Variants in SMKR1 observed in about 807,000 individuals in gnomAD.
SMKR1 encodes small lysine-rich protein 1.
A neutral mutation model predicts 4.0 loss-of-function variants in SMKR1; 4 were observed. That is an observed-to-expected ratio of 1.00 (90% CI 0.49 to 2.30). SMKR1 has a LOEUF of 2.30. Ranked by LOEUF, SMKR1 falls within the 30% of genes most tolerant of loss-of-function variation. The pLI is 0.02. For missense variants in SMKR1, 56 were observed against 81.8 expected, an observed-to-expected ratio of 0.68 and a Z score of 1.22; for synonymous variants, 38 against 32.5, an observed-to-expected ratio of 1.17 and a Z score of -0.58.
intron 1 of SMKR1, among the ~76,000 whole-genome samples, chr7:129,507,388 G>T (rs1326756948): frequency 6.6e-6 from 1 of 151,910 alleles, no homozygotes; most frequent in South Asian, 2.1e-4. Flanking sequence ...GGGCTCAAGC[G>T]ATCTTCCTAC....
Position 129,502,841 on chromosome 7 carries a change from C to T in SMKR1, c.3+14C>T, listed in dbSNP as rs1584984015. The T allele has an allele frequency of 1.3e-6, 2 of 1,534,980 alleles. No homozygotes were observed. Among genetic ancestry groups the T allele is most frequent in the Non-Finnish European group, 1.7e-6 (2 of 1,146,562 alleles). On this transcript the variant is annotated intron_variant, in intron 1 of 1. Coordinates refer to ENST00000462322, the MANE Select transcript of SMKR1 (RefSeq NM_001195243.2). The stretch of plus-strand genomic sequence containing the variant: ...AGAATCGCCATGGTAATCCCCGTCT[C>T]CCTAAAGTACCCGGGGCCAGGGCGC...
At position 129,502,741 on chromosome 7, in the gene SMKR1, G is replaced by A; in HGVS notation, c.-84G>A. ...GGCCGGGGGTGCTAGGGGAACGGGCGCTGGGGGCAGCGGCCCCGGTGGATG... is the reference window on the plus strand; with the variant it reads ...GGCCGGGGGTGCTAGGGGAACGGGCACTGGGGGCAGCGGCCCCGGTGGATG... On this transcript the variant is annotated 5_prime_UTR_variant, in exon 1 of 2. Coordinates refer to ENST00000462322, the MANE Select transcript of SMKR1 (RefSeq NM_001195243.2). 4 of 1,529,656 alleles carry A rather than the reference G, an allele frequency of 2.6e-6. No individual in the cohort carries two copies. The highest frequency in any genetic ancestry group is 3.5e-6 in the Non-Finnish European group (4 of 1,142,336). 94.8% of individuals were successfully genotyped at this position (1,529,656 alleles called of 1,614,324 possible). A position where few individuals can be genotyped will look rare whatever the true frequency, so the allele number is the denominator to read the frequency against.
In SMKR1 at chr7:129,503,775, A is replaced by T. The variant is rs1799436545; in HGVS notation, c.3+948A>T. ...GTTTCGTGTAAAAGGATTAAGTAAA[A>T]ATTTCTTGGTTTGAGAGTCATTCCA... On this transcript the variant is annotated intron_variant, in intron 1 of 1. Transcript: ENST00000462322. 2.0e-5 allele frequency among the ~76,000 whole-genome samples: 3 copies of T among 151,140 alleles called. No homozygotes were observed. In the South Asian group the frequency reaches 6.3e-4, roughly 31 times the overall value.
rs1799538473 is a variant in SMKR1 at position 129,512,565 on chromosome 7, C to T, written c.*124C>T. 1 of 971,776 alleles carries T rather than the reference C, an allele frequency of 1.0e-6. No homozygotes were observed. The highest frequency in any genetic ancestry group is 3.3e-5 in the Admixed American group (1 of 30,488). 60.2% of individuals were successfully genotyped at this position (971,776 alleles called of 1,614,324 possible). A position where few individuals can be genotyped will look rare whatever the true frequency, so the allele number is the denominator to read the frequency against. ...CGACTTGAGATGCAAATTAAGTGTG[C>T]TTTTCTGTGATGGTGGAAGATCAGG... On this transcript the variant is annotated 3_prime_UTR_variant, in exon 2 of 2. Transcript: ENST00000462322.
At chr7:129,510,455 C>T (rs1562928500) in intron 1 of SMKR1, among the ~76,000 whole-genome samples, 2 of 152,118 alleles carry the variant, frequency 1.3e-5, no homozygotes, top group African/African-American at 2.4e-5. Context: ...TGGCACAGGC[C>T]GGGCACAGTG....
chr7:129,504,949 A>G (rs1418547509), intron 1 of SMKR1, among the ~76,000 whole-genome samples: 1 of 152,196 alleles, frequency 6.6e-6, no homozygotes, highest in Non-Finnish European at 1.5e-5. Context: ...AAGCATCGTG[A>G]GATCTCCTTT....
chr7:129,512,156 C>A, intron 1 of SMKR1, 91 bp from the exon 2 acceptor site: 1 of 1,258,646 alleles, frequency 7.9e-7, no homozygotes, highest in Non-Finnish European at 1.1e-6. Flanking sequence ...TACACTCCAG[C>A]CTGGGTGTTG....
At chr7:129,503,942 C>T (rs1799438689) in intron 1 of SMKR1, among the ~76,000 whole-genome samples, 1 of 151,856 alleles carries the variant, frequency 6.6e-6, no homozygotes, top group Non-Finnish European at 1.5e-5. Flanking sequence ...ATCCTCCCGC[C>T]TCAGCCTCCC....
At chr7:129,511,788 G>A (rs1480764226) in intron 1 of SMKR1, among the ~76,000 whole-genome samples, 2 of 152,136 alleles carry the variant, frequency 1.3e-5, no homozygotes, top group African/African-American at 4.8e-5. Flanking sequence ...AAGACAGGAC[G>A]ATGCAAACTG....
intron 1 of SMKR1, among the ~76,000 whole-genome samples, chr7:129,507,751 T>C (rs1468091956): frequency 6.6e-6 from 1 of 152,350 alleles, no homozygotes; most frequent in South Asian, 2.1e-4. Flanking sequence ...CTGGTTTTCA[T>C]TGCATTTCAC....
At chr7:129,511,125 A>T (rs1799522060) in intron 1 of SMKR1, among the ~76,000 whole-genome samples, 4 of 152,204 alleles carry the variant, frequency 2.6e-5, no homozygotes, top group Admixed American at 2.6e-4. Flanking sequence ...TAAGTATCTT[A>T]TATTTGTATC....
intron 1 of SMKR1, among the ~76,000 whole-genome samples, chr7:129,511,052 C>T (rs952161448): frequency 3.3e-5 from 5 of 152,192 alleles, no homozygotes; most frequent in African/African-American, 1.2e-4. Flanking sequence ...TCAGGTGATC[C>T]ACCCGCCTTG....
At chr7:129,505,634 G>A (rs643185) in intron 1 of SMKR1, among the ~76,000 whole-genome samples, 42,601 of 151,684 alleles carry the variant, frequency 0.28, 6,073 homozygotes, top group African/African-American at 0.31. Flanking sequence ...ACCCGCCACC[G>A]TGCCTGGCTA....
At chr7:129,504,156 A>C (rs1392692963) in intron 1 of SMKR1, among the ~76,000 whole-genome samples, 1 of 152,148 alleles carries the variant, frequency 6.6e-6, no homozygotes, top group Non-Finnish European at 1.5e-5. Context: ...GGCCCAGGGA[A>C]CTGAGGCAGA....
chr7:129,507,317 T>C (rs1316437096), intron 1 of SMKR1, among the ~76,000 whole-genome samples: 1 of 148,214 alleles, frequency 6.7e-6, no homozygotes, highest in East Asian at 2.0e-4. Context: ...GCCCAGCCAA[T>C]TTTTTTTTTT....
chr7:129,505,828 A>G (rs893093258), intron 1 of SMKR1, among the ~76,000 whole-genome samples: 12 of 152,252 alleles, frequency 7.9e-5, no homozygotes, highest in Non-Finnish European at 1.3e-4. Context: ...GGCTAGCGTA[A>G]AGAGAAGCAA....
intron 1 of SMKR1, among the ~76,000 whole-genome samples, chr7:129,507,327 T>A (rs984704137): frequency 3.9e-5 from 6 of 152,016 alleles, no homozygotes; most frequent in Admixed American, 6.6e-5. Flanking sequence ...TTTTTTTTTT[T>A]AATATAGATA....
At chr7:129,508,604 G>A (rs1012128867) in intron 1 of SMKR1, among the ~76,000 whole-genome samples, 1 of 151,976 alleles carries the variant, frequency 6.6e-6, no homozygotes, top group Non-Finnish European at 1.5e-5. Context: ...ACCACACTCG[G>A]CTAATTGTTG....
At chr7:129,511,292 C>A (rs559148319) in intron 1 of SMKR1, among the ~76,000 whole-genome samples, 1 of 151,986 alleles carries the variant, frequency 6.6e-6, no homozygotes, top group Non-Finnish European at 1.5e-5. Context: ...AAACTAAATC[C>A]TCATATAGCC....
Sources: allele counts gnomAD v4.1 joint callset (sites outside exome capture counted in the v4.1 genomes callset), GRCh38; gene constraint gnomAD v4.1.1; transcripts MANE v1.5; gene names NCBI Gene and HGNC (gene_info 2026-07-23, HGNC 2026-07-21).